MYO9B: variants seen among roughly 807,000 people sequenced by gnomAD.
MYO9B encodes myosin IXB, also known as unconventional myosin-IXb.
MYO9B carries 71 observed loss-of-function variants against 229.5 expected under a neutral mutation model. That is an observed-to-expected ratio of 0.31 (90% CI 0.26 to 0.38). The LOEUF is 0.38. Among genes scored for constraint, MYO9B ranks in the 10% least tolerant of loss-of-function variants. The probability of loss-of-function intolerance (pLI) is 1.00; values close to 1 mark genes in which losing one functional copy is unlikely to be tolerated. For missense variants in MYO9B, 2,255 were observed against 2,920.5 expected (o/e 0.77, Z 5.25); for synonymous variants, 1,185 against 1,235.8 (o/e 0.96, Z 0.86).
chr19:17,156,878 T>G (rs1312231672), intron 6 of MYO9B, 31 bp from the exon 7 acceptor site: 1 of 1,601,804 alleles, frequency 6.2e-7, no homozygotes, highest in East Asian at 2.2e-5. Flanking sequence ...ACGTAGAAAC[T>G]ACCCAAATAT....
In MYO9B at chr19:17,169,802, CTTTT is replaced by C. The variant is rs762583073; in HGVS notation, c.1793+1764_1793+1767del. On this transcript the variant is annotated intron_variant, in intron 11 of 39. Transcript: ENST00000682292. ...TCATTCATCTCAATCCTGTCTCCTC[CTTTT>C]TTTTTTTTTTTTTTTTTTTTTTTTT... Among the ~76,000 whole-genome samples the C allele has an allele frequency of 6.4e-4, 68 of 106,582 alleles. 2 individuals carry two copies. The highest frequency in any genetic ancestry group is 2.6e-3 in the African/African-American group (64 of 24,190). The allele number at this position is 106,582 out of a possible 152,430, so 69.9% of individuals were successfully genotyped here. A position where few individuals can be genotyped will look rare whatever the true frequency, so the allele number is the denominator to read the frequency against.
intron 13 of MYO9B, among the ~76,000 whole-genome samples, chr19:17,174,941 T>A (rs8112913): frequency 0.49 from 56,622 of 116,506 alleles, 11,763 homozygotes; most frequent in African/African-American, 0.59. Flanking sequence ...CTCAAAAAAA[T>A]AAATAAATAA....
intron 8 of MYO9B, among the ~76,000 whole-genome samples, chr19:17,161,606 A>G (rs1443904540): frequency 6.6e-6 from 1 of 152,026 alleles, no homozygotes. Context: ...GCTTGAGGCC[A>G]TGAGTTCGAG....
chr19:17,080,157 T>G (rs12611347), intron 1 of MYO9B, among the ~76,000 whole-genome samples: 1 of 152,194 alleles, frequency 6.6e-6, no homozygotes, highest in Non-Finnish European at 1.5e-5. Flanking sequence ...GACTCACTTG[T>G]TTAAAACCCA....
chr19:17,118,493 T>C (rs991610400), intron 2 of MYO9B, among the ~76,000 whole-genome samples: 4 of 151,876 alleles, frequency 2.6e-5, no homozygotes, highest in African/African-American at 9.7e-5. Context: ...TTTATTTTTA[T>C]TTTTTTGAGA....
Position 17,193,023 on chromosome 19 carries a change from G to T in MYO9B, c.3089G>T (p.Arg1030Leu). 1 of 1,483,054 alleles carries T rather than the reference G, an allele frequency of 6.7e-7. No individual in the cohort carries two copies. Among genetic ancestry groups the T allele is most frequent in the Non-Finnish European group, 9.0e-7 (1 of 1,112,788 alleles). 91.9% of individuals were successfully genotyped at this position (1,483,054 alleles called of 1,614,324 possible). ...CGGCACCAGAAACAGAGCATCATCC[G>T]CCTGCAGAGCCTGTGTCGGGGGCAC... ...LYRHQKQSII[R>L]LQSLCRGHLQ... Residue 1030 changes from arginine to leucine, a missense_variant, in exon 21 of 40, where the codon CGC becomes CTC. By Grantham distance (102) the Arg-to-Leu change is moderately radical. Around this residue, in one of 7 missense-constraint regions of MYO9B, gnomAD observed 679 missense variants for 770.2 expected, o/e 0.88. Coordinates refer to ENST00000682292, the MANE Select transcript of MYO9B (RefSeq NM_004145.4). This position sits in a 1 kb window ranked among gnomAD's most constrained non-coding sequence, Gnocchi z 4.3.
intron 2 of MYO9B, 97 bp from the exon 3 acceptor site, chr19:17,145,300 A>C (rs2072395410): frequency 8.9e-7 from 1 of 1,119,890 alleles, no homozygotes; most frequent in Admixed American, 2.2e-5. Flanking sequence ...TAAATTGAAC[A>C]ATACAAAATA....
At chr19:17,176,721 T>A (rs905696399) in intron 14 of MYO9B, among the ~76,000 whole-genome samples, 19 of 152,140 alleles carry the variant, frequency 1.2e-4, no homozygotes, top group African/African-American at 4.1e-4. Flanking sequence ...GCTTGATTGA[T>A]TGGAGAGTTC....
chr19:17,206,225 G>GGGGGGGGGCCCCCCCCCCC, intron 32 of MYO9B, 23 bp from the exon 33 acceptor site: 2 of 1,564,666 alleles, frequency 1.3e-6, no homozygotes, highest in Non-Finnish European at 1.7e-6. Context: ...CCGCTCACCA[G>GGGGGGGGGCCCCCCCCCCC]ACCCACCCCA....
rs1007306015 is a variant in MYO9B at position 17,202,197 on chromosome 19, C to T, written c.4730C>T (p.Ala1577Val). ...TACCAGATCGTCGTCAGCAACCTGG[C>T]CACTGAGCGTGGCCAGAAGGACACC... ...ENYQIVVSNL[A>V]TERGQKDTNL... The change falls in exon 28 of 40, where the codon GCC becomes GTC. Residue 1577 changes from alanine to valine, a missense_variant. Transcript: ENST00000682292. 3 of 1,613,286 alleles carry T rather than the reference C, an allele frequency of 1.9e-6. No homozygotes were observed. Among genetic ancestry groups the T allele is most frequent in the Non-Finnish European group, 2.5e-6 (3 of 1,179,650 alleles).
chr19:17,153,846 A>G (rs753303936), intron 4 of MYO9B, 121 bp from the exon 5 acceptor site: 2 of 722,096 alleles, frequency 2.8e-6, no homozygotes, highest in Non-Finnish European at 4.9e-6. Flanking sequence ...GAACTGACGT[A>G]CTGTTTTAAA....
At chr19:17,120,815 G>A (rs1239417810) in intron 2 of MYO9B, among the ~76,000 whole-genome samples, 1 of 152,118 alleles carries the variant, frequency 6.6e-6, no homozygotes, top group Non-Finnish European at 1.5e-5. Context: ...TATAACAGCA[G>A]ATATAGAGCA....
At position 17,194,764 on chromosome 19, in the gene MYO9B, C is replaced by T. The variant is rs1301941034; in HGVS notation, c.3337C>T (p.His1113Tyr). The T allele has an allele frequency of 1.9e-6, 3 of 1,613,122 alleles. No individual in the cohort carries two copies. Among genetic ancestry groups the T allele is most frequent in the East Asian group, 2.2e-5 (1 of 44,882 alleles). Residue 1113 changes from histidine (H) to tyrosine (Y), a missense_variant, in exon 22 of 40, where the codon CAC becomes TAC. Around this residue, in one of 7 missense-constraint regions of MYO9B, gnomAD observed 679 missense variants for 770.2 expected, o/e 0.88. Coordinates refer to ENST00000682292, the MANE Select transcript of MYO9B (RefSeq NM_004145.4). Reference protein sequence around the residue: ...VQPSDRSPLEHSSPEKEAPSP... With the variant: ...VQPSDRSPLEYSSPEKEAPSP... ...GCCAAGTGACAGGTCCCCCCTAGAG[C>T]ACTCCTCACCTGAGAAGGAGGCCCC...
rs3031315 is a variant in MYO9B, at chr19:17,163,372, CTTTTTTTT to C, written c.1671+265_1671+272del. 3.8e-3 allele frequency among the ~76,000 whole-genome samples: 354 copies of C among 92,396 alleles called. 2 individuals carry two copies. Among genetic ancestry groups the C allele is most frequent in the African/African-American group, 0.016 (343 of 21,566 alleles). 60.6% of individuals were successfully genotyped at this position (92,396 alleles called of 152,430 possible). A position where few individuals can be genotyped will look rare whatever the true frequency, so the allele number is the denominator to read the frequency against. ...CAAGCCCTGAACTCACCCCATTCCA[CTTTTTTTT>C]TTTTTTTTTTTTTTGAGACAGGGTC... On this transcript the variant is annotated intron_variant, in intron 10 of 39. Coordinates refer to ENST00000682292, the MANE Select transcript of MYO9B (RefSeq NM_004145.4).
intron 1 of MYO9B, chr19:17,095,820 T>C (rs2057682530): frequency 6.6e-6 from 1 of 152,238 alleles, no homozygotes; most frequent in African/African-American, 2.4e-5. Flanking sequence ...TGGAGTGCAG[T>C]GGCGCGATCT....
chr19:17,076,841 G>T (rs1391025807), intron 1 of MYO9B, among the ~76,000 whole-genome samples: 2 of 152,148 alleles, frequency 1.3e-5, no homozygotes, highest in African/African-American at 4.8e-5. Flanking sequence ...CGCCACCTCC[G>T]CAGAGCTGCA....
At chr19:17,090,095 T>C (rs75801993) in intron 1 of MYO9B, among the ~76,000 whole-genome samples, 17,115 of 149,270 alleles carry the variant, frequency 0.11, 1,177 homozygotes, top group South Asian at 0.13. Context: ...ATCCACGTTA[T>C]AGCATGAATC....
rs59741893 is a variant in MYO9B, at chr19:17,121,444, A to AATATATATATATATATATATATAT, written c.840+18907_840+18908insATATATATATATATATATATATAT. Among the ~76,000 whole-genome samples, 127 of 142,558 alleles carry AATATATATATATATATATATATAT rather than the reference A, an allele frequency of 8.9e-4. 2 individuals are homozygous for AATATATATATATATATATATATAT. Among genetic ancestry groups the AATATATATATATATATATATATAT allele is most frequent in the Middle Eastern group, 3.6e-3 (1 of 274 alleles). The allele number at this position is 142,558 out of a possible 152,430, so 93.5% of individuals were successfully genotyped here. ...ACACTTACAGCAGATATGTATTCCA[A>AATATATATATATATATATATATAT]ATATATATATATATATATATCCAAG... On this transcript the variant is annotated intron_variant, in intron 2 of 39. Transcript: ENST00000682292.
intron 1 of MYO9B, among the ~76,000 whole-genome samples, chr19:17,096,336 T>G (rs906059148): frequency 2.0e-5 from 3 of 152,136 alleles, no homozygotes; most frequent in Non-Finnish European, 4.4e-5. Flanking sequence ...GCTAGGTATG[T>G]GTTTTAACAT....
Sources: allele counts gnomAD v4.1 joint callset (sites outside exome capture counted in the v4.1 genomes callset), GRCh38; gene constraint gnomAD v4.1.1; regional missense constraint gnomAD v4.1.1; non-coding constraint Gnocchi (gnomAD v3.1); transcripts MANE v1.5; gene names NCBI Gene and HGNC (gene_info 2026-07-23, HGNC 2026-07-21).